PTPRB: variants seen among roughly 807,000 people sequenced by gnomAD.
The protein encoded by PTPRB is receptor-type tyrosine-protein phosphatase beta.
In PTPRB, 97 loss-of-function variants were observed where a neutral mutation model predicts 238.1. The observed-to-expected ratio is 0.41, with a 90% CI of 0.35 to 0.48. The LOEUF (loss-of-function observed/expected upper bound fraction) is 0.48, where lower values mean the gene tolerates loss of function less well. Ranked by LOEUF, PTPRB falls within the 20% of genes least tolerant of loss-of-function variation. The pLI, the probability that PTPRB is intolerant of heterozygous loss-of-function variation, is 0.30. For missense variants in PTPRB, 2,292 were observed against 2,681.9 expected, an observed-to-expected ratio of 0.85 and a Z score of 3.21; for synonymous variants, 970 against 995.4, an observed-to-expected ratio of 0.97 and a Z score of 0.48.
chr12:70,537,148 G>A lies in PTPRB; in HGVS notation c.5947-989C>T, dbSNP rs55675247. On this transcript the variant is annotated intron_variant, in intron 28 of 33. Coordinates refer to ENST00000334414, the MANE Select transcript of PTPRB (RefSeq NM_001109754.4). ...AAATACAAAAAAATATTAGCCAGGCGTGGTGGCAGGTGCCTGTAGTCTCAG... is the reference window on the plus strand; with the variant it reads ...AAATACAAAAAAATATTAGCCAGGCATGGTGGCAGGTGCCTGTAGTCTCAG... Among the ~76,000 whole-genome samples, 9 of 152,014 alleles carry A rather than the reference G, an allele frequency of 5.9e-5. No homozygotes were observed. In the South Asian group the frequency reaches 1.0e-3, roughly 18 times the overall value.
chr12:70,589,909 G>T, intron 8 of PTPRB, 55 bp downstream of exon 8: 2 of 1,542,468 alleles, frequency 1.3e-6, no homozygotes, highest in Non-Finnish European at 1.8e-6. Flanking sequence ...TGGGTTACCT[G>T]GGAGAGGGAA....
In PTPRB at chr12:70,594,555, G is replaced by A. The variant is rs764314482; in HGVS notation, c.1428C>T (p.His476=). The A allele has an allele frequency of 5.6e-6, 9 of 1,613,962 alleles. No individual in the cohort carries two copies. The highest frequency in any genetic ancestry group is 4.4e-5 in the South Asian group (4 of 91,082). The change falls in exon 6 of 34, where the codon CAC becomes CAT. Residue 476 remains histidine (H), a synonymous_variant. Transcript: ENST00000334414. ...TGTAGAGGTAGCCAGGGGTCAGCCC[G>A]TGAAAAGCATAGGAAGTAGCATGTT... is the stretch of plus-strand genomic sequence containing the variant. ...VDKHATSYAF[H]GLTPGYLYNL...
chr12:70,629,178 A>G (rs1885332894), intron 2 of PTPRB, among the ~76,000 whole-genome samples: 1 of 152,078 alleles, frequency 6.6e-6, no homozygotes, highest in Non-Finnish European at 1.5e-5. Flanking sequence ...TACCCTTGAA[A>G]CATTTTTTTA....
At chr12:70,589,839 C>T in intron 8 of PTPRB, 125 bp downstream of exon 8, 1 of 941,696 alleles carries the variant, frequency 1.1e-6, no homozygotes, top group Non-Finnish European at 1.6e-6. Context: ...GCCTTAAAGT[C>T]CTTAATATCT....
intron 2 of PTPRB, among the ~76,000 whole-genome samples, chr12:70,628,200 G>T (rs892133056): frequency 1.3e-5 from 2 of 152,108 alleles, no homozygotes; most frequent in Admixed American, 1.3e-4. Context: ...GAAAATTCCT[G>T]CCCTCAGATA....
intron 3 of PTPRB, among the ~76,000 whole-genome samples, chr12:70,616,083 G>A (rs1344573481): frequency 6.6e-6 from 1 of 151,936 alleles, no homozygotes; most frequent in Non-Finnish European, 1.5e-5. Context: ...CTAATTGTCA[G>A]TGTCTTAATC....
At chr12:70,539,271 A>G (rs186462675) in intron 26 of PTPRB, 37 of 552,112 alleles carry the variant, frequency 6.7e-5, no homozygotes, top group African/African-American at 5.6e-4. Flanking sequence ...CCTGAGAATC[A>G]GTTCCAAAAG....
chr12:70,609,018 G>T, intron 4 of PTPRB, 51 bp downstream of exon 4: 1 of 1,579,324 alleles, frequency 6.3e-7, no homozygotes, highest in Non-Finnish European at 8.6e-7. Flanking sequence ...TGAAAAGGCA[G>T]GGCCCAACCC....
chr12:70,555,826 C>A lies in PTPRB; in HGVS notation c.4993+44G>T, dbSNP rs200280528. On this transcript the variant is annotated intron_variant, in intron 19 of 33. Coordinates refer to ENST00000334414, the MANE Select transcript of PTPRB (RefSeq NM_001109754.4). ...TAGAGAAAGGTGCACAGCCCCTTCA[C>A]TCCAGTGACAGGAGGCTCTGTGCGC... 5.4e-5 allele frequency: 86 copies of A among 1,599,614 alleles called. No homozygotes were observed. In the Admixed American group the frequency reaches 1.4e-3, roughly 26 times the overall value.
chr12:70,524,182 C>T (rs534202732), intron 33 of PTPRB, among the ~76,000 whole-genome samples: 4 of 152,174 alleles, frequency 2.6e-5, no homozygotes, highest in Admixed American at 1.3e-4. Flanking sequence ...GATCTCAGCT[C>T]ACTGTAGCCT....
chr12:70,610,084 C>T (rs980178218), intron 3 of PTPRB, among the ~76,000 whole-genome samples: 3 of 152,140 alleles, frequency 2.0e-5, no homozygotes, highest in African/African-American at 7.2e-5. Context: ...CGCTGCCTCG[C>T]CCCAGCCCCG....
At chr12:70,572,927 A>G (rs1213886109) in intron 11 of PTPRB, among the ~76,000 whole-genome samples, 1 of 152,140 alleles carries the variant, frequency 6.6e-6, no homozygotes, top group Non-Finnish European at 1.5e-5. Flanking sequence ...TTTTACATCC[A>G]TTTGACTGGC....
chr12:70,607,903 T>C (rs1160792595), intron 4 of PTPRB, among the ~76,000 whole-genome samples: 1 of 152,096 alleles, frequency 6.6e-6, no homozygotes. Flanking sequence ...CTTAAGATGC[T>C]GCAAATCTCA....
At chr12:70,531,256 C>CT (rs1873193527) in intron 32 of PTPRB, among the ~76,000 whole-genome samples, 2 of 151,990 alleles carry the variant, frequency 1.3e-5, no homozygotes, top group South Asian at 2.1e-4. Context: ...TACTGTGGCT[C>CT]TAAGAGGGGA....
chr12:70,544,536 T>C, intron 22 of PTPRB, 21 bp downstream of exon 22: 9 of 1,517,768 alleles, frequency 5.9e-6, no homozygotes, highest in Non-Finnish European at 8.2e-6. Flanking sequence ...TGGTAGAACA[T>C]GATGTAAAGG....
intron 28 of PTPRB, among the ~76,000 whole-genome samples, chr12:70,537,548 G>A (rs1592415339): frequency 6.6e-6 from 1 of 152,080 alleles, no homozygotes. Context: ...AGTGTTTATT[G>A]AGTGAATGGA....
intron 4 of PTPRB, among the ~76,000 whole-genome samples, chr12:70,602,151 G>A (rs1470528476): frequency 6.6e-6 from 1 of 151,982 alleles, no homozygotes; most frequent in African/African-American, 2.4e-5. Flanking sequence ...TCAGTTTTCT[G>A]GCTTACTTTA....
chr12:70,571,885 A>G lies in PTPRB; in HGVS notation c.3045T>C (p.Ser1015=). ...GTCCACTTTTTGTAGTAACAGTGAC[A>G]CTGTACAACCGTCCAGGGACTAGCT... ...FVQLVPGRLY[S]VTVTTKSGQY... is the part of the protein sequence containing the mutation. The change falls in exon 12 of 34, where the codon AGT becomes AGC. Residue 1015 remains serine (S), a synonymous_variant. Coordinates refer to ENST00000334414, the MANE Select transcript of PTPRB (RefSeq NM_001109754.4). 4.3e-6 allele frequency: 7 copies of G among 1,613,870 alleles called. No homozygotes were observed. Among genetic ancestry groups the G allele is most frequent in the Non-Finnish European group, 5.9e-6 (7 of 1,179,740 alleles).
intron 2 of PTPRB, among the ~76,000 whole-genome samples, chr12:70,631,789 A>G (rs961035671): frequency 8.5e-5 from 13 of 152,092 alleles, no homozygotes; most frequent in African/African-American, 2.9e-4. Flanking sequence ...AGACACTTCT[A>G]AAAAGAAGAC....
Sources: allele counts gnomAD v4.1 joint callset (sites outside exome capture counted in the v4.1 genomes callset), GRCh38; gene constraint gnomAD v4.1.1; transcripts MANE v1.5; gene names NCBI Gene and HGNC (gene_info 2026-07-23, HGNC 2026-07-21).